The following HLA-DRB5 variants were observed in gnomAD, a reference collection of about 807,000 sequenced individuals.
HLA-DRB5 encodes major histocompatibility complex, class II, DR beta 5.
In HLA-DRB5, 11 loss-of-function variants were observed where a neutral mutation model predicts 22.4. That is an observed-to-expected ratio of 0.49 (90% CI 0.31 to 0.81). HLA-DRB5 has a LOEUF of 0.81. Among genes scored for constraint, HLA-DRB5 ranks in the 40% least tolerant of loss-of-function variants. HLA-DRB5 has a pLI of 0.05. For missense variants in HLA-DRB5, 106 were observed against 274.4 expected (o/e 0.39, Z 4.34); for synonymous variants, 57 against 106.0 (o/e 0.54, Z 2.84).
chr6:32,521,811 T>TCTCTCTCTCTCACACACACACACACA, intron 2 of HLA-DRB5, 94 bp downstream of exon 2: 1 of 248,816 alleles, frequency 4.0e-6, no homozygotes, highest in African/African-American at 6.6e-5. Flanking sequence ...CCTCTCTCTC[T>TCTCTCTCTCTCACACACACACACACA]CACACACACA....
chr6:32,521,801 CCT>C lies in HLA-DRB5; in HGVS notation c.370+102_370+103del, dbSNP rs374866057. On this transcript the variant is annotated intron_variant, in intron 2 of 5. Coordinates refer to ENST00000374975, the MANE Select transcript of HLA-DRB5 (RefSeq NM_002125.4). ...CGCGCTCCCTCTCTGTCTCTCTCTTCCTCTCTCTCTCACACACACACACACAC... is the reference window on the plus strand; with the variant it reads ...CGCGCTCCCTCTCTGTCTCTCTCTTCCTCTCTCTCACACACACACACACAC... The C allele has an allele frequency of 1.3e-3, 235 of 175,956 alleles. 29 individuals carry two copies. Among genetic ancestry groups the C allele is most frequent in the Middle Eastern group, 2.4e-3 (1 of 416 alleles). The allele number at this position is 175,956 out of a possible 1,614,324, so 10.9% of individuals were successfully genotyped here.
chr6:32,525,045 TTTC>T (rs1769437196), intron 1 of HLA-DRB5, among the ~76,000 whole-genome samples: 2 of 41,024 alleles, frequency 4.9e-5, no homozygotes, highest in Non-Finnish European at 1.0e-4. Context: ...TGAATGAAAG[TTTC>T]TTTTATACAT....
intron 1 of HLA-DRB5, among the ~76,000 whole-genome samples, chr6:32,529,192 G>A (rs116826491): frequency 0.18 from 21,056 of 114,860 alleles, 35 homozygotes; most frequent in Admixed American, 0.22. Flanking sequence ...CCTATGAGAT[G>A]TGAACAATGT....
chr6:32,518,932 T>C (rs150860760), intron 3 of HLA-DRB5, among the ~76,000 whole-genome samples: 20,923 of 50,608 alleles, frequency 0.41, 6,921 homozygotes, highest in Middle Eastern at 0.56. Context: ...CTCAATGAGG[T>C]TAAATAGTTT....
chr6:32,524,293 CA>C (rs33972118), intron 1 of HLA-DRB5, among the ~76,000 whole-genome samples: 560 of 19,912 alleles, frequency 0.028, 4 homozygotes, highest in East Asian at 0.26. Flanking sequence ...AACCAGTCAC[CA>C]AATCATATCA....
At chr6:32,528,857 A>C (rs150730260) in intron 1 of HLA-DRB5, among the ~76,000 whole-genome samples, 326 of 16,906 alleles carry the variant, frequency 0.019, 35 homozygotes, top group Middle Eastern at 0.056. Flanking sequence ...GAGGAAGGAT[A>C]GCTTGAGTCT....
intron 2 of HLA-DRB5, among the ~76,000 whole-genome samples, chr6:32,520,930 C>A (rs1768773418): frequency 2.7e-5 from 2 of 73,828 alleles, no homozygotes. Context: ...AATACTAAGC[C>A]CTGGAGATAA....
At chr6:32,528,252 C>T (rs146247189) in intron 1 of HLA-DRB5, among the ~76,000 whole-genome samples, 163 of 131,694 alleles carry the variant, frequency 1.2e-3, no homozygotes, top group Middle Eastern at 3.9e-3. Flanking sequence ...GTCTTTTCTT[C>T]AGTGCACTAT....
chr6:32,529,467 T>G (rs1177526132), intron 1 of HLA-DRB5, among the ~76,000 whole-genome samples: 2 of 65,170 alleles, frequency 3.1e-5, no homozygotes, highest in Non-Finnish European at 6.0e-5. Flanking sequence ...AAAGAATACC[T>G]CATAGATGCC....
At chr6:32,525,996 T>A (rs1769572323) in intron 1 of HLA-DRB5, among the ~76,000 whole-genome samples, 1 of 50,282 alleles carries the variant, frequency 2.0e-5, no homozygotes. Context: ...ACCGAGCATC[T>A]CTGGTTCACA....
intron 1 of HLA-DRB5, among the ~76,000 whole-genome samples, chr6:32,526,519 T>TAAATGCCA (rs1769656255): frequency 4.4e-5 from 1 of 22,614 alleles, no homozygotes; most frequent in Non-Finnish European, 8.3e-5. Flanking sequence ...ATGAGTCTCT[T>TAAATGCCA]TTTTTTTTTT....
At chr6:32,525,683 T>C (rs115791752) in intron 1 of HLA-DRB5, among the ~76,000 whole-genome samples, 48,783 of 71,044 alleles carry the variant, frequency 0.69, 18,685 homozygotes, top group Middle Eastern at 0.75. Context: ...CTTATAACCT[T>C]TCAATTTTAG....
intron 2 of HLA-DRB5, among the ~76,000 whole-genome samples, chr6:32,520,202 T>A (rs778902294): frequency 0.24 from 12,499 of 53,014 alleles, 4,515 homozygotes; most frequent in East Asian, 0.29. Flanking sequence ...ACTTGGGTGT[T>A]CCACTTGCCA....
chr6:32,521,453 T>C (rs1291152016), intron 2 of HLA-DRB5, among the ~76,000 whole-genome samples: 65 of 121,116 alleles, frequency 5.4e-4, no homozygotes, highest in Middle Eastern at 4.1e-3. Context: ...AGGGACAGTC[T>C]GGAACTGGCC....
Position 32,519,619 on chromosome 6 carries a change from T to A in HLA-DRB5, c.403A>T (p.Thr135Ser). The A allele has an allele frequency of 1.2e-6, 1 of 819,844 alleles. No homozygotes were observed. Among genetic ancestry groups the A allele is most frequent in the Non-Finnish European group, 1.7e-6 (1 of 577,782 alleles). 50.8% of individuals were successfully genotyped at this position (819,844 alleles called of 1,614,324 possible). The change falls in exon 3 of 6, where the codon ACC becomes TCC. Residue 135 changes from threonine (T) to serine (S), a missense_variant. Coordinates refer to ENST00000374975, the MANE Select transcript of HLA-DRB5 (RefSeq NM_002125.4). ...AGGTTGTGGTGCTGCAGGGTCTGGG[T>A]CCTTGCAGGATACACAGTCACCTTA... ...EPKVTVYPAR[T>S]QTLQHHNLLV...
intron 2 of HLA-DRB5, among the ~76,000 whole-genome samples, chr6:32,520,645 T>C (rs1438248670): frequency 0.13 from 10,445 of 79,118 alleles, 2 homozygotes; most frequent in Admixed American, 0.18. Flanking sequence ...CCTAGGAAAA[T>C]CCCTAACACT....
chr6:32,526,842 T>C (rs114119102), intron 1 of HLA-DRB5, among the ~76,000 whole-genome samples: 822 of 29,876 alleles, frequency 0.028, 27 homozygotes, highest in Middle Eastern at 0.045. Context: ...TTAAATGCCA[T>C]TGACCTTCTG....
Position 32,529,373 on chromosome 6 carries a change from T to C in HLA-DRB5, c.100+752A>G, listed in dbSNP as rs796749484. ...AGCATGTAGGAGATATAGGAGCAAA[T>C]AGTATAGAAAGGTTAAAAAAGATTT... On this transcript the variant is annotated intron_variant, in intron 1 of 5. Transcript: ENST00000374975. Among the ~76,000 whole-genome samples the C allele has an allele frequency of 4.4e-4, 10 of 22,912 alleles. 5 individuals carry two copies. In the South Asian group the frequency reaches 8.3e-3, roughly 19 times the overall value. 15.0% of individuals were successfully genotyped at this position (22,912 alleles called of 152,430 possible). A position where few individuals can be genotyped will look rare whatever the true frequency, so the allele number is the denominator to read the frequency against.
intron 2 of HLA-DRB5, 86 bp downstream of exon 2, chr6:32,521,819 A>T (rs191269336): frequency 0.18 from 51,047 of 287,648 alleles, 8,012 homozygotes; most frequent in Admixed American, 0.23. Flanking sequence ...TCTCACACAC[A>T]CACACACACA....
Sources: gnomAD v4.1 joint callset for allele counts (sites outside exome capture counted in the v4.1 genomes callset) on GRCh38, gnomAD v4.1.1 for gene constraint, MANE v1.5 for transcripts, NCBI Gene and HGNC (gene_info 2026-07-23, HGNC 2026-07-21) for gene names.